The following DGKE variants were observed in gnomAD, a reference collection of about 807,000 sequenced individuals.
The protein encoded by DGKE is DAG kinase epsilon.
Under a neutral mutation model 70.0 loss-of-function variants are expected in DGKE, and 53 were observed. The observed-to-expected ratio is 0.76, with a 90% CI of 0.61 to 0.95. The LOEUF is 0.95. Among genes scored for constraint, DGKE ranks in the 40% least tolerant of loss-of-function variants. The pLI, the probability that DGKE is intolerant of heterozygous loss-of-function variation, is 0.00. For synonymous variants in DGKE, 291 were observed against 257.0 expected, an observed-to-expected ratio of 1.13 and a Z score of -1.27; for missense variants, 655 against 706.9, an observed-to-expected ratio of 0.93 and a Z score of 0.83.
chr17:56,862,843 T>C lies in DGKE; in HGVS notation c.*52T>C. 7.2e-7 allele frequency: 1 copy of C among 1,380,936 alleles called. No homozygotes were observed. The highest frequency in any genetic ancestry group is 9.4e-7 in the Non-Finnish European group (1 of 1,061,024). 85.5% of individuals were successfully genotyped at this position (1,380,936 alleles called of 1,614,324 possible). A position where few individuals can be genotyped will look rare whatever the true frequency, so the allele number is the denominator to read the frequency against. On this transcript the variant is annotated 3_prime_UTR_variant, in exon 12 of 12. Coordinates refer to ENST00000284061, the MANE Select transcript of DGKE (RefSeq NM_003647.3). ...TAGAATCCTCACGCAAGTAGATACA[T>C]GTTCATCCAAAAGTATTAATAGAAA...
chr17:56,840,620 TC>T (rs1480790088), intron 2 of DGKE, among the ~76,000 whole-genome samples: 1 of 152,182 alleles, frequency 6.6e-6, no homozygotes, highest in Non-Finnish European at 1.5e-5. Context: ...CCTCAGGTGA[TC>T]CGCCCGCCTG....
intron 9 of DGKE, 63 bp from the exon 10 acceptor site, chr17:56,861,728 C>A (rs898749492): frequency 1.3e-6 from 2 of 1,589,308 alleles, no homozygotes. Context: ...GATGTGAATT[C>A]TAAATGGATG....
rs1461064951 is a variant in DGKE, at chr17:56,863,575, T to C, written c.*784T>C. 1 of 152,226 alleles carries C rather than the reference T, an allele frequency of 6.6e-6. No homozygotes were observed. The highest frequency in any genetic ancestry group is 1.5e-5 in the Non-Finnish European group (1 of 68,042). 9.4% of individuals were successfully genotyped at this position (152,226 alleles called of 1,614,324 possible). ...TGAACTGTTTATCAGCCGCTCTTTTTATTAAAAGACAGTGTCAACACTTCA... is the reference window on the plus strand; with the variant it reads ...TGAACTGTTTATCAGCCGCTCTTTTCATTAAAAGACAGTGTCAACACTTCA... On this transcript the variant is annotated 3_prime_UTR_variant, in exon 12 of 12. Coordinates refer to ENST00000284061, the MANE Select transcript of DGKE (RefSeq NM_003647.3).
At chr17:56,835,491 A>G (rs984097927) in intron 2 of DGKE, 4 of 551,872 alleles carry the variant, frequency 7.2e-6, no homozygotes, top group African/African-American at 5.7e-5. Context: ...CTTTTGGGTA[A>G]TAAAACTTGG....
intron 7 of DGKE, among the ~76,000 whole-genome samples, chr17:56,852,108 T>A (rs1380525021): frequency 6.6e-6 from 1 of 151,850 alleles, no homozygotes; most frequent in Non-Finnish European, 1.5e-5. Flanking sequence ...TAAGTAACAT[T>A]TAAAATTTAA....
At chr17:56,841,266 A>AAAT (rs1555597961) in intron 2 of DGKE, among the ~76,000 whole-genome samples, 4 of 150,832 alleles carry the variant, frequency 2.7e-5, no homozygotes, top group South Asian at 2.1e-4. Context: ...AAAAAAAAAA[A>AAAT]TTTTTTTTAA....
chr17:56,842,174 A>G (rs1179434949), intron 2 of DGKE, among the ~76,000 whole-genome samples: 1 of 152,202 alleles, frequency 6.6e-6, no homozygotes, highest in African/African-American at 2.4e-5. Flanking sequence ...ACTGAGAATA[A>G]ATAAGTCAAA....
intron 8 of DGKE, among the ~76,000 whole-genome samples, chr17:56,857,759 G>A (rs945505234): frequency 1.3e-5 from 2 of 151,852 alleles, no homozygotes; most frequent in African/African-American, 4.8e-5. Flanking sequence ...TGATAAATTG[G>A]GAGAAAACAC....
At position 56,862,156 on chromosome 17, in the gene DGKE, C is replaced by T. The variant is rs531348268; in HGVS notation, c.1429C>T (p.Leu477=). ...CAATTTTAGGCATGACGATGGTCTG[C>T]TGGAAGTCGTTGGAGTATATGGGTC... The part of the protein sequence containing the change: ...YPLARHDDGL[L]EVVGVYGSFH... The change falls in exon 11 of 12, where the codon CTG becomes TTG. Residue 477 remains leucine, a synonymous_variant. Transcript: ENST00000284061. 9.3e-6 allele frequency: 15 copies of T among 1,614,054 alleles called. No individual in the cohort carries two copies. The South Asian group carries it at 1.6e-4, about 18-fold the overall frequency.
rs1254240678 is a variant in DGKE at position 56,834,185 on chromosome 17, C to G, written c.-94C>G. ...CCCCGCCCGGCTTCATCCCTGCTGG[C>G]GGCCCAGCGTCGTTCTCCTCCTGCG... On this transcript the variant is annotated 5_prime_UTR_variant, in exon 1 of 12. Coordinates refer to ENST00000284061, the MANE Select transcript of DGKE (RefSeq NM_003647.3). The G allele has an allele frequency of 6.6e-6, 1 of 152,410 alleles. No homozygotes were observed. The highest frequency in any genetic ancestry group is 1.9e-4 in the East Asian group (1 of 5,192). 9.4% of individuals were successfully genotyped at this position (152,410 alleles called of 1,614,324 possible).
At position 56,863,706 on chromosome 17, in the gene DGKE, C is replaced by T. The variant is rs1489802995; in HGVS notation, c.*915C>T. 1 of 152,196 alleles carries T rather than the reference C, an allele frequency of 6.6e-6. No individual in the cohort carries two copies. The highest frequency in any genetic ancestry group is 1.5e-5 in the Non-Finnish European group (1 of 68,022). The allele number at this position is 152,196 out of a possible 1,614,324, so 9.4% of individuals were successfully genotyped here. On this transcript the variant is annotated 3_prime_UTR_variant, in exon 12 of 12. Coordinates refer to ENST00000284061, the MANE Select transcript of DGKE (RefSeq NM_003647.3). ...GGTGGTCTTGTAGTATTTTGAAATA[C>T]AGTAGTCTTTTAACAGAATTTCCCC...
Position 56,868,014 on chromosome 17 carries a change from A to G in DGKE, c.*5223A>G, listed in dbSNP as rs1908604386. 2 of 152,240 alleles carry G rather than the reference A, an allele frequency of 1.3e-5. No individual in the cohort carries two copies. Among genetic ancestry groups the G allele is most frequent in the Non-Finnish European group, 2.9e-5 (2 of 68,048 alleles). 9.4% of individuals were successfully genotyped at this position (152,240 alleles called of 1,614,324 possible). On this transcript the variant is annotated 3_prime_UTR_variant, in exon 12 of 12. Coordinates refer to ENST00000284061, the MANE Select transcript of DGKE (RefSeq NM_003647.3). ...CCCTGAGCTACCTCACTGTTAAAGG[A>G]CGACATCAACACAGAATGCACTAAA...
intron 2 of DGKE, among the ~76,000 whole-genome samples, chr17:56,841,110 G>A (rs1460051088): frequency 6.6e-6 from 1 of 151,920 alleles, no homozygotes; most frequent in Admixed American, 6.6e-5. Flanking sequence ...AATTAGCTGG[G>A]CGTGGTAGCA....
chr17:56,858,095 A>C (rs930536154), intron 8 of DGKE, among the ~76,000 whole-genome samples: 4 of 151,726 alleles, frequency 2.6e-5, no homozygotes, highest in African/African-American at 9.7e-5. Context: ...AAAAAGAAAA[A>C]GAAAAAATCA....
rs1284008975 is a variant in DGKE at position 56,862,817 on chromosome 17, A to G, written c.*26A>G. The G allele has an allele frequency of 4.0e-6, 6 of 1,493,046 alleles. No individual in the cohort carries two copies. In the Admixed American group the frequency reaches 7.4e-5, roughly 18 times the overall value. 92.5% of individuals were successfully genotyped at this position (1,493,046 alleles called of 1,614,324 possible). A position where few individuals can be genotyped will look rare whatever the true frequency, so the allele number is the denominator to read the frequency against. ...ATGGATGAGGGAGTGAAAACTTTGCATAGAATCCTCACGCAAGTAGATACA... is the reference window on the plus strand; with the variant it reads ...ATGGATGAGGGAGTGAAAACTTTGCGTAGAATCCTCACGCAAGTAGATACA... On this transcript the variant is annotated 3_prime_UTR_variant, in exon 12 of 12. Coordinates refer to ENST00000284061, the MANE Select transcript of DGKE (RefSeq NM_003647.3).
chr17:56,836,369 C>T (rs773688851), intron 2 of DGKE: 2 of 152,106 alleles, frequency 1.3e-5, no homozygotes, highest in African/African-American at 2.4e-5. Context: ...GTTTTGTAAC[C>T]ATGCATTTTT....
At chr17:56,835,699 T>A (rs1322419455) in intron 2 of DGKE, 2 of 213,462 alleles carry the variant, frequency 9.4e-6, no homozygotes, top group Non-Finnish European at 1.8e-5. Flanking sequence ...ACAAGTGTCA[T>A]TCCAAGGCAG....
Position 56,863,079 on chromosome 17 carries a change from A to C in DGKE, c.*288A>C, listed in dbSNP as rs946254780. 1 of 245,716 alleles carries C rather than the reference A, an allele frequency of 4.1e-6. No individual in the cohort carries two copies. The highest frequency in any genetic ancestry group is 2.2e-5 in the African/African-American group (1 of 44,572). The allele number at this position is 245,716 out of a possible 1,614,324, so 15.2% of individuals were successfully genotyped here. ...TTGTTATGACTGTTTTGAGAGTGGGACTCACTCTGAAGTATGTGCTGTCTC... is the reference window on the plus strand; with the variant it reads ...TTGTTATGACTGTTTTGAGAGTGGGCCTCACTCTGAAGTATGTGCTGTCTC... On this transcript the variant is annotated 3_prime_UTR_variant, in exon 12 of 12. Coordinates refer to ENST00000284061, the MANE Select transcript of DGKE (RefSeq NM_003647.3).
At chr17:56,849,970 A>AG (rs1019647755) in intron 7 of DGKE, among the ~76,000 whole-genome samples, 2 of 152,124 alleles carry the variant, frequency 1.3e-5, no homozygotes, top group Non-Finnish European at 2.9e-5. Context: ...GGGAGGGGGC[A>AG]GGGGGAGTAG....
Sources: allele counts gnomAD v4.1 joint callset (sites outside exome capture counted in the v4.1 genomes callset), GRCh38; gene constraint gnomAD v4.1.1; transcripts MANE v1.5; gene names NCBI Gene and HGNC (gene_info 2026-07-23, HGNC 2026-07-21).